The following STIM1 variants were observed in gnomAD, a reference collection of about 807,000 sequenced individuals.
STIM1 encodes the protein stromal interaction molecule 1.
Under a neutral mutation model 74.7 loss-of-function variants are expected in STIM1, and 25 were observed. The ratio of observed to expected loss-of-function variants is 0.33; its 90% CI spans 0.24 to 0.47. The LOEUF is 0.47. STIM1 is among the 20% of genes least tolerant of loss of function. The probability of loss-of-function intolerance (pLI) is 1.00; values close to 1 mark genes in which losing one functional copy is unlikely to be tolerated. For synonymous variants in STIM1, 328 were observed against 348.8 expected (o/e 0.94, Z 0.66); for missense variants, 728 against 920.8 (o/e 0.79, Z 2.71).
chr11:3,985,524 G>C (rs2093550362), intron 2 of STIM1, among the ~76,000 whole-genome samples: 1 of 152,172 alleles, frequency 6.6e-6, no homozygotes, highest in African/African-American at 2.4e-5. Context: ...TAGGGACAAA[G>C]GGTTTGGCCT....
chr11:3,968,371 C>G (rs1590609382), intron 2 of STIM1, among the ~76,000 whole-genome samples: 2 of 152,100 alleles, frequency 1.3e-5, no homozygotes, highest in East Asian at 3.8e-4. Flanking sequence ...GTGAAGCTAC[C>G]AAGTTATGCC....
intron 1 of STIM1, chr11:3,868,294 C>T (rs1357251316): frequency 1.2e-4 from 19 of 152,182 alleles, no homozygotes; most frequent in Admixed American, 1.1e-3. Flanking sequence ...ATGATGACAG[C>T]TACTATTTAT....
intron 1 of STIM1, among the ~76,000 whole-genome samples, chr11:3,908,403 G>A (rs2092503427): frequency 6.6e-6 from 1 of 152,116 alleles, no homozygotes; most frequent in African/African-American, 2.4e-5. Flanking sequence ...ACGAGGTCAG[G>A]AGATTGAGAC....
At chr11:4,078,047 T>G (rs1385553221) in intron 7 of STIM1, among the ~76,000 whole-genome samples, 1 of 152,226 alleles carries the variant, frequency 6.6e-6, no homozygotes, top group Non-Finnish European at 1.5e-5. Flanking sequence ...AGTCATATTT[T>G]TTGCCATTTA....
At chr11:4,032,880 T>C (rs2094063352) in intron 3 of STIM1, among the ~76,000 whole-genome samples, 1 of 152,222 alleles carries the variant, frequency 6.6e-6, no homozygotes. Context: ...TATACAGAAA[T>C]GTAATTGATT....
intron 1 of STIM1, among the ~76,000 whole-genome samples, chr11:3,931,151 C>T (rs889215929): frequency 2.0e-5 from 3 of 152,080 alleles, no homozygotes; most frequent in Non-Finnish European, 4.4e-5. Flanking sequence ...TTAGGAAAGA[C>T]CTGACATTAG....
chr11:3,887,245 C>T (rs536818659), intron 1 of STIM1, among the ~76,000 whole-genome samples: 2 of 152,272 alleles, frequency 1.3e-5, no homozygotes, highest in Admixed American at 1.3e-4. Context: ...AGGATACATT[C>T]TTGTCCTTAT....
In STIM1 at chr11:3,878,795, T is replaced by C. The variant is rs2091390596; in HGVS notation, c.139+22386T>C. On this transcript the variant is annotated intron_variant, in intron 1 of 12. Coordinates refer to ENST00000526596, the MANE Select transcript of STIM1 (RefSeq NM_001382567.1). ...CTAGCTCTGCCCTCCCCATAGCTCA[T>C]GTTAGCTGCAGTGGGTTCCTATTGC... Among the ~76,000 whole-genome samples the C allele has an allele frequency of 3.3e-5, 5 of 152,312 alleles. No homozygotes were observed. In the South Asian group the frequency reaches 1.0e-3, roughly 32 times the overall value.
intron 3 of STIM1, among the ~76,000 whole-genome samples, chr11:4,036,048 C>T (rs941921733): frequency 6.6e-6 from 1 of 152,070 alleles, no homozygotes; most frequent in East Asian, 1.9e-4. Context: ...GTTGTTCCCC[C>T]TGATGTGTCT....
chr11:3,944,782 G>A (rs2093052188), intron 1 of STIM1, among the ~76,000 whole-genome samples: 1 of 152,138 alleles, frequency 6.6e-6, no homozygotes, highest in Non-Finnish European at 1.5e-5. Flanking sequence ...TAGAGGTGAT[G>A]GTACCCTAAT....
At chr11:3,976,802 G>GT (rs554297957) in intron 2 of STIM1, among the ~76,000 whole-genome samples, 60 of 148,536 alleles carry the variant, frequency 4.0e-4, no homozygotes, top group African/African-American at 1.3e-3. Context: ...CCTGACAGTT[G>GT]TTTTTTTTTG....
intron 1 of STIM1, among the ~76,000 whole-genome samples, chr11:3,895,716 TTCTTTCTTTCTTTC>T (rs2092102954): frequency 2.6e-5 from 1 of 38,058 alleles, no homozygotes; most frequent in Non-Finnish European, 4.6e-5. Flanking sequence ...CTTTCTTTCT[TTCTTTCTTTCTTTC>T]TTTCTTTTTC....
At chr11:4,019,841 A>G (rs1007590787) in intron 2 of STIM1, among the ~76,000 whole-genome samples, 1 of 152,184 alleles carries the variant, frequency 6.6e-6, no homozygotes, top group African/African-American at 2.4e-5. Context: ...TATACACTAT[A>G]TTATTGTTAA....
intron 3 of STIM1, among the ~76,000 whole-genome samples, chr11:4,028,725 G>C (rs564659873): frequency 6.6e-6 from 1 of 152,164 alleles, no homozygotes. Context: ...TTCTTAAGTG[G>C]TAATTTCTTT....
chr11:4,062,959 T>C (rs1298314708), intron 5 of STIM1, among the ~76,000 whole-genome samples: 1 of 152,164 alleles, frequency 6.6e-6, no homozygotes, highest in African/African-American at 2.4e-5. Context: ...TATGCTACAA[T>C]GCGGATGAAC....
In STIM1 at chr11:3,870,410, T is replaced by C. The variant is rs560411281; in HGVS notation, c.139+14001T>C. Among the ~76,000 whole-genome samples, 7 of 152,334 alleles carry C rather than the reference T, an allele frequency of 4.6e-5. No homozygotes were observed. The East Asian group carries it at 1.3e-3, about 29-fold the overall frequency. ...CCTCTCTGAGCCTCATATTCCCTTT[T>C]GTCCACATTTGCAAAAAAGGGAATA... On this transcript the variant is annotated intron_variant, in intron 1 of 12. Transcript: ENST00000526596.
chr11:3,880,707 A>G (rs962351272), intron 1 of STIM1, among the ~76,000 whole-genome samples: 10 of 152,122 alleles, frequency 6.6e-5, no homozygotes, highest in South Asian at 2.1e-4. Flanking sequence ...TGCGATGGTT[A>G]TATCTCTGGC....
intron 11 of STIM1, 114 bp downstream of exon 11, chr11:4,084,879 A>G (rs959526686): frequency 2.5e-6 from 2 of 798,404 alleles, no homozygotes; most frequent in African/African-American, 1.8e-5. Flanking sequence ...TGCTCCCTCT[A>G]TCCCCTCAGC....
In STIM1 at chr11:3,953,779, TC is replaced by T. The variant is rs1290565706; in HGVS notation, c.140-13772del. ...ATCGGTATTGACTTCTTGATCTTCT[TC>T]TTTCTTTTTTTTTTTTTTTTGAGAC... On this transcript the variant is annotated intron_variant, in intron 1 of 12. Coordinates refer to ENST00000526596, the MANE Select transcript of STIM1 (RefSeq NM_001382567.1). 4.4e-4 allele frequency among the ~76,000 whole-genome samples: 59 copies of T among 132,890 alleles called. 1 individual carries two copies. Among genetic ancestry groups the T allele is most frequent in the East Asian group, 2.0e-3 (9 of 4,436 alleles). 87.2% of individuals were successfully genotyped at this position (132,890 alleles called of 152,430 possible). A position where few individuals can be genotyped will look rare whatever the true frequency, so the allele number is the denominator to read the frequency against.
Sources: gnomAD v4.1 joint callset for allele counts (sites outside exome capture counted in the v4.1 genomes callset) on GRCh38, gnomAD v4.1.1 for gene constraint, MANE v1.5 for transcripts, NCBI Gene and HGNC (gene_info 2026-07-23, HGNC 2026-07-21) for gene names.